The following PCNX2 variants were observed in gnomAD, a reference collection of about 807,000 sequenced individuals.
PCNX2 encodes the protein pecanex 2, also known as pecanex-like protein 2.
PCNX2 carries 168 observed loss-of-function variants against 223.8 expected under a neutral mutation model. The ratio of observed to expected loss-of-function variants is 0.75; its 90% CI spans 0.66 to 0.85. The LOEUF (loss-of-function observed/expected upper bound fraction) is 0.85. Ranked by LOEUF, PCNX2 falls within the 40% of genes least tolerant of loss-of-function variation. PCNX2 has a pLI of 0.00. For missense variants in PCNX2, 2,507 were observed against 2,675.5 expected, an observed-to-expected ratio of 0.94 and a Z score of 1.39; for synonymous variants, 1,006 against 1,052.6, an observed-to-expected ratio of 0.96 and a Z score of 0.86.
chr1:233,264,276 A>C (rs1660215526), intron 1 of PCNX2, among the ~76,000 whole-genome samples: 1 of 152,214 alleles, frequency 6.6e-6, no homozygotes, highest in African/African-American at 2.4e-5. Flanking sequence ...AAGTGTCCCA[A>C]GGTGATATCC....
chr1:233,046,807 T>C (rs1359088272), intron 25 of PCNX2, among the ~76,000 whole-genome samples: 1 of 152,210 alleles, frequency 6.6e-6, no homozygotes, highest in Non-Finnish European at 1.5e-5. Context: ...TGGTATGTTG[T>C]TGTAATATTG....
At chr1:233,197,628 CT>C (rs367822131) in intron 15 of PCNX2, among the ~76,000 whole-genome samples, 7 of 152,184 alleles carry the variant, frequency 4.6e-5, no homozygotes, top group African/African-American at 1.7e-4. Context: ...GGCCCCTCCC[CT>C]TTTTTTCTGA....
intron 12 of PCNX2, among the ~76,000 whole-genome samples, chr1:233,212,098 T>G (rs1681856216): frequency 1.3e-5 from 2 of 152,224 alleles, no homozygotes; most frequent in Non-Finnish European, 2.9e-5. Flanking sequence ...TGATTTCGTT[T>G]TTACTTTAGC....
chr1:233,040,033 G>A (rs1038056846), intron 25 of PCNX2, among the ~76,000 whole-genome samples: 1 of 152,190 alleles, frequency 6.6e-6, no homozygotes, highest in African/African-American at 2.4e-5. Context: ...GAAATACTGA[G>A]AAATGAGTAA....
intron 25 of PCNX2, among the ~76,000 whole-genome samples, chr1:233,029,133 T>C (rs1023826388): frequency 3.3e-5 from 5 of 152,180 alleles, no homozygotes; most frequent in African/African-American, 9.7e-5. Context: ...CCACCGTGCC[T>C]GGCCCAGTCA....
At chr1:233,091,732 CAAA>C (rs11335249) in intron 22 of PCNX2, among the ~76,000 whole-genome samples, 3 of 109,102 alleles carry the variant, frequency 2.7e-5, no homozygotes, top group Non-Finnish European at 3.6e-5. Context: ...GACCCTCCCT[CAAA>C]AAAAAAAAAA....
At position 233,261,269 on chromosome 1, in the gene PCNX2, A is replaced by G. The variant is rs577159887; in HGVS notation, c.517+16T>C. ...AGGATAGTGCTGTGATAAAATATAA[A>G]TGATTAACAGTTTACCTTTGAGATC... On this transcript the variant is annotated intron_variant, in intron 4 of 33. Transcript: ENST00000258229. 13 of 1,597,972 alleles carry G rather than the reference A, an allele frequency of 8.1e-6. No homozygotes were observed. The East Asian group carries it at 2.7e-4, about 33-fold the overall frequency.
chr1:233,259,135 A>G lies in PCNX2; in HGVS notation c.727T>C (p.Ser243Pro), dbSNP rs1250611713. ...CCCTTATCCACTAAGCCACCCTCGG[A>G]TCTGTGGCGCAAAGGAGGCTGCCCC... is the stretch of plus-strand genomic sequence containing the variant. ...GKGQPPLRHR[S>P]EGGLVDKGPL... The change falls in exon 5 of 34, where the codon TCC (serine) becomes CCC (proline). Residue 243 changes from serine (S) to proline (P), a missense_variant. Transcript: ENST00000258229. The G allele has an allele frequency of 3.1e-6, 5 of 1,613,860 alleles. No homozygotes were observed. The highest frequency in any genetic ancestry group is 3.4e-6 in the Non-Finnish European group (4 of 1,179,882).
rs371260510 is a variant in PCNX2, at chr1:233,177,825, G to C, written c.3250C>G (p.Pro1084Ala). The C allele has an allele frequency of 1.4e-5, 23 of 1,613,706 alleles. No homozygotes were observed. Among genetic ancestry groups the C allele is most frequent in the Non-Finnish European group, 1.9e-5 (23 of 1,179,676 alleles). Residue 1084 changes from proline (P) to alanine (A), a missense_variant, in exon 17 of 34, where the codon CCC becomes GCC. Physicochemically the swap from Pro to Ala is conservative, Grantham distance 27. Around this residue, in one of 3 missense-constraint regions of PCNX2, gnomAD observed 1,372 missense variants for 1,509.4 expected, o/e 0.91. Coordinates refer to ENST00000258229, the MANE Select transcript of PCNX2 (RefSeq NM_014801.4). ...ACCACTGAATCTTTCATCTTCTTGG[G>C]GAGAGGGTCAGCAGCTGACTCTGCC... ...NLAESAADPL[P>A]KKMKDSVTDV...
intron 26 of PCNX2, among the ~76,000 whole-genome samples, chr1:233,021,111 T>TA (rs1297171219): frequency 6.6e-6 from 1 of 152,154 alleles, no homozygotes; most frequent in East Asian, 1.9e-4. Context: ...AAATTTCCCT[T>TA]AACTAGCTGC....
In PCNX2 at chr1:233,054,127, C is replaced by T. The variant is rs949995397; in HGVS notation, c.4351+141G>A. 4 of 679,968 alleles carry T rather than the reference C, an allele frequency of 5.9e-6. No homozygotes were observed. The Admixed American group carries it at 1.2e-4, about 20-fold the overall frequency. 42.1% of individuals were successfully genotyped at this position (679,968 alleles called of 1,614,324 possible). A position where few individuals can be genotyped will look rare whatever the true frequency, so the allele number is the denominator to read the frequency against. Reference sequence around the variant, plus strand: ...TCAGATGACTGTAGTTTATTTATATCAAGGTAGTGGTGGCAAGCTCACTTT... The same window carrying T: ...TCAGATGACTGTAGTTTATTTATATTAAGGTAGTGGTGGCAAGCTCACTTT... On this transcript the variant is annotated intron_variant, in intron 25 of 33. Transcript: ENST00000258229.
intron 25 of PCNX2, among the ~76,000 whole-genome samples, chr1:233,037,103 C>T (rs1475839509): frequency 6.6e-6 from 1 of 152,196 alleles, no homozygotes; most frequent in African/African-American, 2.4e-5. Context: ...TGTCACACAT[C>T]CACTTGGTAA....
intron 16 of PCNX2, among the ~76,000 whole-genome samples, chr1:233,178,556 T>A (rs960727065): frequency 5.9e-5 from 9 of 152,236 alleles, no homozygotes; most frequent in Non-Finnish European, 1.5e-5. Context: ...TTTAACACTT[T>A]GGTGCAAATT....
chr1:233,104,024 C>T (rs927029929), intron 21 of PCNX2, among the ~76,000 whole-genome samples: 1 of 151,828 alleles, frequency 6.6e-6, no homozygotes, highest in East Asian at 1.9e-4. Context: ...AATCATTGCA[C>T]TAAAGGGCTA....
At chr1:233,193,111 A>C (rs1380870881) in intron 15 of PCNX2, among the ~76,000 whole-genome samples, 2 of 148,124 alleles carry the variant, frequency 1.4e-5, no homozygotes, top group African/African-American at 2.4e-5. Context: ...ATTATATTTT[A>C]TAACTAGTAT....
intron 1 of PCNX2, among the ~76,000 whole-genome samples, chr1:233,271,179 A>T (rs1055002606): frequency 2.0e-5 from 3 of 152,356 alleles, no homozygotes; most frequent in East Asian, 3.9e-4. Context: ...TGACAAAATC[A>T]ATCATAAATT....
At chr1:233,219,931 C>T (rs190143793) in intron 10 of PCNX2, among the ~76,000 whole-genome samples, 20 of 152,278 alleles carry the variant, frequency 1.3e-4, no homozygotes, top group African/African-American at 4.8e-4. Flanking sequence ...ATCTGTGCCC[C>T]ACCTATTCAT....
At chr1:233,173,740 C>A (rs898735870) in intron 17 of PCNX2, among the ~76,000 whole-genome samples, 1 of 152,046 alleles carries the variant, frequency 6.6e-6, no homozygotes, top group Non-Finnish European at 1.5e-5. Context: ...TAATAAACTG[C>A]GGTAGTTAGT....
At chr1:233,090,016 T>C (rs767577381) in intron 23 of PCNX2, 45 bp downstream of exon 23, 2 of 1,611,482 alleles carry the variant, frequency 1.2e-6, no homozygotes, top group Non-Finnish European at 1.7e-6. Context: ...CCTTCTGAAG[T>C]GCAAACTGGA....
Sources: gnomAD v4.1 joint callset for allele counts (sites outside exome capture counted in the v4.1 genomes callset) on GRCh38, gnomAD v4.1.1 for gene constraint, gnomAD v4.1.1 regional missense constraint, MANE v1.5 for transcripts, NCBI Gene and HGNC (gene_info 2026-07-23, HGNC 2026-07-21) for gene names.